GRM5: variants seen among roughly 807,000 people sequenced by gnomAD.
GRM5 encodes metabotropic glutamate receptor 5.
A neutral mutation model predicts 83.1 loss-of-function variants in GRM5; 19 were observed. The ratio of observed to expected loss-of-function variants is 0.23; its 90% CI spans 0.16 to 0.34. The LOEUF is 0.34. GRM5 is among the 10% of genes least tolerant of loss of function. The pLI, the probability that GRM5 is intolerant of heterozygous loss-of-function variation, is 1.00. For missense variants in GRM5, 1,160 were observed against 1,588.3 expected (o/e 0.73, Z 4.58); for synonymous variants, 675 against 633.6 (o/e 1.07, Z -0.98).
chr11:88,874,064 G>A (rs1944811446), intron 2 of GRM5, among the ~76,000 whole-genome samples: 1 of 151,638 alleles, frequency 6.6e-6, no homozygotes, highest in African/African-American at 2.4e-5. Context: ...CCAGTAATGA[G>A]CAATGATATT....
At chr11:88,723,913 G>A (rs575110122) in intron 3 of GRM5, among the ~76,000 whole-genome samples, 1 of 152,172 alleles carries the variant, frequency 6.6e-6, no homozygotes, top group Non-Finnish European at 1.5e-5. Flanking sequence ...ACATGTGCAT[G>A]TTGCTATATG....
chr11:88,761,752 T>G (rs980728518), intron 3 of GRM5, among the ~76,000 whole-genome samples: 7 of 151,798 alleles, frequency 4.6e-5, no homozygotes, highest in African/African-American at 1.7e-4. Flanking sequence ...CCAAGACAAT[T>G]CCAAGCAAAA....
chr11:88,829,258 T>A (rs1269402134), intron 3 of GRM5, among the ~76,000 whole-genome samples: 3 of 152,164 alleles, frequency 2.0e-5, no homozygotes, highest in Non-Finnish European at 2.9e-5. Flanking sequence ...GCCAGGAGTC[T>A]GAGACCAGCC....
At chr11:88,716,099 A>C (rs1941393872) in intron 3 of GRM5, among the ~76,000 whole-genome samples, 1 of 151,950 alleles carries the variant, frequency 6.6e-6, no homozygotes, top group South Asian at 2.1e-4. Flanking sequence ...GCATTAAGGC[A>C]AAAAAAGGAT....
At chr11:88,709,954 C>T (rs1033256758) in intron 3 of GRM5, among the ~76,000 whole-genome samples, 10 of 152,122 alleles carry the variant, frequency 6.6e-5, no homozygotes, top group African/African-American at 2.4e-4. Flanking sequence ...GCTGCCTCTT[C>T]CAGCTTCCTG....
chr11:88,828,045 T>TG (rs972817753), intron 3 of GRM5, among the ~76,000 whole-genome samples: 1 of 151,968 alleles, frequency 6.6e-6, no homozygotes, highest in Admixed American at 6.6e-5. Flanking sequence ...TGTTGATATC[T>TG]GGGGGAAGGT....
chr11:89,013,725 AT>A (rs920547682), intron 2 of GRM5, among the ~76,000 whole-genome samples: 1 of 152,220 alleles, frequency 6.6e-6, no homozygotes, highest in Non-Finnish European at 1.5e-5. Flanking sequence ...GGGAAATGTC[AT>A]TTCTACTGAG....
chr11:88,825,503 C>A (rs1337433862), intron 3 of GRM5, among the ~76,000 whole-genome samples: 3 of 152,084 alleles, frequency 2.0e-5, no homozygotes, highest in Non-Finnish European at 4.4e-5. Context: ...CTTAAATCAG[C>A]AAATCAACAT....
intron 8 of GRM5, among the ~76,000 whole-genome samples, chr11:88,560,567 A>C (rs1163155184): frequency 6.6e-6 from 1 of 152,172 alleles, no homozygotes; most frequent in African/African-American, 2.4e-5. Flanking sequence ...TTATATTTTT[A>C]GGACAAAGCA....
intron 3 of GRM5, among the ~76,000 whole-genome samples, chr11:88,779,345 T>G (rs974241832): frequency 4.6e-5 from 7 of 152,164 alleles, no homozygotes; most frequent in Admixed American, 2.0e-4. Context: ...TGGTAATATT[T>G]GCTCTAAAGA....
At position 88,666,890 on chromosome 11, in the gene GRM5, T is replaced by C. The variant is rs1281419091; in HGVS notation, c.912-13487A>G. Reference sequence around the variant, plus strand: ...TGTTGTCTATCATTTCAGTAGTAAATGGACAGACATATAAAGCATTAAAGA... The same window carrying C: ...TGTTGTCTATCATTTCAGTAGTAAACGGACAGACATATAAAGCATTAAAGA... On this transcript the variant is annotated intron_variant, in intron 3 of 9. Coordinates refer to ENST00000305447, the MANE Select transcript of GRM5 (RefSeq NM_001143831.3). Among the ~76,000 whole-genome samples the C allele has an allele frequency of 1.3e-5, 2 of 152,070 alleles. 1 individual carries two copies. The highest frequency in any genetic ancestry group is 4.8e-5 in the African/African-American group (2 of 41,402).
intron 7 of GRM5, among the ~76,000 whole-genome samples, chr11:88,572,548 A>G (rs1026224754): frequency 6.6e-6 from 1 of 152,144 alleles, no homozygotes; most frequent in African/African-American, 2.4e-5. Context: ...CTAGTATTAG[A>G]TTTATTTCTT....
chr11:89,054,510 T>A (rs1941830700), intron 1 of GRM5, among the ~76,000 whole-genome samples: 2 of 152,160 alleles, frequency 1.3e-5, no homozygotes, highest in African/African-American at 2.4e-5. Context: ...AAGAGAGGTC[T>A]GAACAGGAGA....
intron 2 of GRM5, among the ~76,000 whole-genome samples, chr11:88,945,545 G>A (rs1938253785): frequency 6.6e-6 from 1 of 151,920 alleles, no homozygotes; most frequent in African/African-American, 2.4e-5. Context: ...CAAACACAGG[G>A]AGATAGACCA....
Position 88,604,767 on chromosome 11 carries a change from C to T in GRM5, c.1345G>A (p.Val449Ile). 6.2e-7 allele frequency: 1 copy of T among 1,611,704 alleles called. No individual in the cohort carries two copies. The highest frequency in any genetic ancestry group is 2.2e-5 in the East Asian group (1 of 44,868). Residue 449 changes from valine to isoleucine, a missense_variant, in exon 5 of 10, where the codon GTT (valine) becomes ATT (isoleucine). Val to Ile is a conservative substitution (Grantham distance 29, BLOSUM62 3). Around this residue, in one of 9 missense-constraint regions of GRM5, gnomAD observed 132 missense variants for 197.6 expected, o/e 0.67. Coordinates refer to ENST00000305447, the MANE Select transcript of GRM5 (RefSeq NM_001143831.3). ...TCGAATAGGATCGTATCTCCAGAAA[C>T]CCCAGTAAAATTGGTTTTCATCAGG... ...ESLMKTNFTG[V>I]SGDTILFDEN...
At chr11:89,009,900 C>CAAAAAAAAAAA (rs758398638) in intron 2 of GRM5, among the ~76,000 whole-genome samples, 2 of 21,688 alleles carry the variant, frequency 9.2e-5, no homozygotes, top group African/African-American at 1.2e-4. Flanking sequence ...GACTCCGTCT[C>CAAAAAAAAAAA]AAAAAAAAAA....
At chr11:88,801,124 T>A (rs2135486384) in intron 3 of GRM5, among the ~76,000 whole-genome samples, 1 of 152,244 alleles carries the variant, frequency 6.6e-6, no homozygotes, top group South Asian at 2.1e-4. Flanking sequence ...GAGTGATGCA[T>A]CCACAGATTT....
chr11:88,627,880 C>T (rs556656813), intron 4 of GRM5, among the ~76,000 whole-genome samples: 28 of 152,238 alleles, frequency 1.8e-4, no homozygotes, highest in Non-Finnish European at 2.2e-4. Context: ...TTGATTACCT[C>T]GTTTTCTTCA....
chr11:88,935,968 C>G (rs4531475), intron 2 of GRM5, among the ~76,000 whole-genome samples: 1 of 151,870 alleles, frequency 6.6e-6, no homozygotes. Context: ...TAGATGACAT[C>G]AAGAATAAAT....
Sources: gnomAD v4.1 joint callset for allele counts (sites outside exome capture counted in the v4.1 genomes callset) on GRCh38, gnomAD v4.1.1 for gene constraint, gnomAD v4.1.1 regional missense constraint, MANE v1.5 for transcripts, NCBI Gene and HGNC (gene_info 2026-07-23, HGNC 2026-07-21) for gene names.